Variants in JAM3 observed in about 807,000 individuals in gnomAD.
JAM3 encodes the protein junctional adhesion molecule C.
In JAM3, 31 loss-of-function variants were observed where a neutral mutation model predicts 39.4. The ratio of observed to expected loss-of-function variants is 0.79; its 90% confidence interval spans 0.59 to 1.06. The LOEUF is 1.06. Among genes scored for constraint, JAM3 ranks in the 50% least tolerant of loss-of-function variants. The probability of loss-of-function intolerance (pLI) is 0.00; values close to 1 mark genes in which losing one functional copy is unlikely to be tolerated. For synonymous variants in JAM3, 182 were observed against 148.7 expected, an observed-to-expected ratio of 1.22 and a Z score of -1.63; for missense variants, 455 against 391.4, an observed-to-expected ratio of 1.16 and a Z score of -1.37.
chr11:134,114,788 C>T lies in JAM3; in HGVS notation c.77-25063C>T, dbSNP rs182885055. Among the ~76,000 whole-genome samples, 862 of 152,152 alleles carry T rather than the reference C, an allele frequency of 5.7e-3. 9 individuals carry two copies. The highest frequency in any genetic ancestry group is 0.02 in the African/African-American group (811 of 41,504). On this transcript the variant is annotated intron_variant, in intron 1 of 8. Transcript: ENST00000299106. The stretch of plus-strand genomic sequence containing the variant: ...GAATATGGTCTACCTTGGTAAATGT[C>T]CCATTTGCACTTGTCAAAAATATGT...
intron 1 of JAM3, among the ~76,000 whole-genome samples, chr11:134,100,872 C>T (rs557231019): frequency 6.6e-6 from 1 of 152,176 alleles, no homozygotes; most frequent in African/African-American, 2.4e-5. Context: ...TATACTGCTT[C>T]CTTACTAGAC....
chr11:134,099,464 C>T (rs75840354), intron 1 of JAM3, among the ~76,000 whole-genome samples: 1,558 of 152,272 alleles, frequency 0.01, 22 homozygotes, highest in African/African-American at 0.035. Flanking sequence ...CTCGCCCTCT[C>T]TCTGATGGTG....
intron 1 of JAM3, among the ~76,000 whole-genome samples, chr11:134,127,844 G>A (rs1014590232): frequency 2.6e-5 from 4 of 152,206 alleles, no homozygotes; most frequent in Non-Finnish European, 5.9e-5. Context: ...GGAAACAGAA[G>A]AGAGTAAGTG....
intron 1 of JAM3, among the ~76,000 whole-genome samples, chr11:134,112,129 C>A (rs1436160381): frequency 6.6e-6 from 1 of 152,154 alleles, no homozygotes; most frequent in Non-Finnish European, 1.5e-5. Flanking sequence ...CTCTGTTGCC[C>A]AGTATGGAGT....
At chr11:134,123,949 C>G (rs1942588343) in intron 1 of JAM3, 1 of 1,489,228 alleles carries the variant, frequency 6.7e-7, no homozygotes, top group Admixed American at 1.7e-5. Flanking sequence ...ATAAACTGAA[C>G]TGCATCTTCG....
chr11:134,142,401 G>T (rs562520489), intron 3 of JAM3, among the ~76,000 whole-genome samples: 4 of 152,168 alleles, frequency 2.6e-5, no homozygotes, highest in African/African-American at 9.7e-5. Flanking sequence ...ATTCGAAAAT[G>T]TTGTTGCCAA....
Position 134,090,136 on chromosome 11 carries a change from G to A in JAM3, c.76+20977G>A, listed in dbSNP as rs182342950. On this transcript the variant is annotated intron_variant, in intron 1 of 8. Coordinates refer to ENST00000299106, the MANE Select transcript of JAM3 (RefSeq NM_032801.5). ...TGAGAAGTGTCTGTTCATGTCCTTT[G>A]CCCACTTTTTGATGGGGTTGTTTGT... 4.6e-3 allele frequency among the ~76,000 whole-genome samples: 704 copies of A among 152,288 alleles called. 5 individuals carry two copies. The highest frequency in any genetic ancestry group is 0.016 in the African/African-American group (672 of 41,530).
chr11:134,125,052 G>C lies in JAM3; in HGVS notation c.77-14799G>C, dbSNP rs573776995. Among the ~76,000 whole-genome samples the C allele has an allele frequency of 4.5e-4, 69 of 152,316 alleles. No homozygotes were observed. The East Asian group carries it at 0.013, about 28-fold the overall frequency. ...GGCGGCGGCGCGTCTCCACGAGTCTGTCTTGCTGCTGCTCCTGCAGCCGCC... is the reference window on the plus strand; with the variant it reads ...GGCGGCGGCGCGTCTCCACGAGTCTCTCTTGCTGCTGCTCCTGCAGCCGCC... On this transcript the variant is annotated intron_variant, in intron 1 of 8. Transcript: ENST00000299106.
intron 1 of JAM3, among the ~76,000 whole-genome samples, chr11:134,124,881 G>A (rs573840956): frequency 9.2e-5 from 14 of 152,364 alleles, no homozygotes; most frequent in African/African-American, 2.9e-4. Flanking sequence ...AATGTGCAAC[G>A]TATATTCCAA....
intron 1 of JAM3, among the ~76,000 whole-genome samples, chr11:134,101,922 G>A (rs1295768729): frequency 2.0e-5 from 3 of 152,136 alleles, no homozygotes; most frequent in Admixed American, 2.0e-4. Context: ...TAAAAATTAG[G>A]TGTGGGGTAC....
chr11:134,109,832 A>T (rs1034838385), intron 1 of JAM3, among the ~76,000 whole-genome samples: 2 of 152,206 alleles, frequency 1.3e-5, no homozygotes, highest in African/African-American at 4.8e-5. Flanking sequence ...GTGAACATGG[A>T]GTAGCTACCT....
intron 6 of JAM3, among the ~76,000 whole-genome samples, chr11:134,146,564 TAAAAAAC>T (rs552592781): frequency 9.4e-4 from 142 of 151,496 alleles, no homozygotes; most frequent in East Asian, 7.8e-4. Flanking sequence ...TTTTTTTTCT[TAAAAAAC>T]AAAAAACAAA....
intron 1 of JAM3, among the ~76,000 whole-genome samples, chr11:134,105,392 A>G (rs989000197): frequency 2.0e-5 from 3 of 152,228 alleles, no homozygotes; most frequent in Non-Finnish European, 2.9e-5. Context: ...CCCACAGCCA[A>G]TATCATACCG....
chr11:134,144,465 T>C (rs1164280985), intron 4 of JAM3, 72 bp downstream of exon 4: 8 of 1,567,948 alleles, frequency 5.1e-6, no homozygotes, highest in Non-Finnish European at 7.0e-6. Flanking sequence ...TTGGTTTCTT[T>C]CCTTCTAGAA....
At chr11:134,124,897 A>G (rs1942614036) in intron 1 of JAM3, among the ~76,000 whole-genome samples, 1 of 152,216 alleles carries the variant, frequency 6.6e-6, no homozygotes, top group African/African-American at 2.4e-5. Flanking sequence ...TCCAACGAAA[A>G]ACGCTGGCGA....
intron 1 of JAM3, among the ~76,000 whole-genome samples, chr11:134,116,803 C>G (rs1942442077): frequency 6.6e-6 from 1 of 151,982 alleles, no homozygotes; most frequent in Non-Finnish European, 1.5e-5. Flanking sequence ...CATATCTATA[C>G]TATTTCTCTA....
At chr11:134,108,909 A>G (rs557074480) in intron 1 of JAM3, among the ~76,000 whole-genome samples, 2 of 152,318 alleles carry the variant, frequency 1.3e-5, no homozygotes, top group South Asian at 4.1e-4. Context: ...AAAAAGTTAT[A>G]GGTAATATTA....
At chr11:134,092,571 A>C (rs972575596) in intron 1 of JAM3, among the ~76,000 whole-genome samples, 5 of 148,946 alleles carry the variant, frequency 3.4e-5, no homozygotes, top group African/African-American at 5.0e-5. Context: ...TCCATCTTAC[A>C]TGTCACTTCC....
intron 1 of JAM3, among the ~76,000 whole-genome samples, chr11:134,102,846 G>C (rs1412175412): frequency 1.3e-5 from 2 of 152,164 alleles, no homozygotes; most frequent in South Asian, 2.1e-4. Flanking sequence ...CAACCTCCAA[G>C]AAATATGGGA....
Sources: allele counts gnomAD v4.1 joint callset (sites outside exome capture counted in the v4.1 genomes callset), GRCh38; gene constraint gnomAD v4.1.1; transcripts MANE v1.5; gene names NCBI Gene and HGNC (gene_info 2026-07-23, HGNC 2026-07-21).